Variants in GAN observed in about 807,000 individuals in gnomAD.
GAN encodes epididymis secretory sperm binding protein.
GAN carries 48 observed loss-of-function variants against 71.3 expected under a neutral mutation model. That is an observed-to-expected ratio of 0.67 (90% CI 0.53 to 0.86). The LOEUF (loss-of-function observed/expected upper bound fraction) is 0.86, where lower values mean the gene tolerates loss of function less well. GAN is among the 40% of genes least tolerant of loss of function. The pLI is 0.00. For missense variants in GAN, 928 were observed against 770.1 expected (o/e 1.21, Z -2.43); for synonymous variants, 386 against 276.8 (o/e 1.39, Z -3.92).
At chr16:81,353,338 C>G (rs1042496099) in intron 2 of GAN, among the ~76,000 whole-genome samples, 2 of 151,830 alleles carry the variant, frequency 1.3e-5, no homozygotes, top group African/African-American at 4.8e-5. Flanking sequence ...TAACAAACTC[C>G]TGAATTGGCA....
intron 1 of GAN, among the ~76,000 whole-genome samples, chr16:81,347,206 G>A (rs141841294): frequency 1.3e-5 from 2 of 152,132 alleles, no homozygotes; most frequent in Non-Finnish European, 2.9e-5. Context: ...GATACACCTA[G>A]ACAACAGCCA....
chr16:81,378,055 A>G lies in GAN; in HGVS notation c.*459A>G, dbSNP rs1276169850. 1 of 231,604 alleles carries G rather than the reference A, an allele frequency of 4.3e-6. No individual in the cohort carries two copies. Among genetic ancestry groups the G allele is most frequent in the African/African-American group, 2.3e-5 (1 of 44,426 alleles). The allele number at this position is 231,604 out of a possible 1,614,324, so 14.3% of individuals were successfully genotyped here. ...GCTTTTCCACTGCACTTGGAAGGAT[A>G]TATTATGCCTAACCCTGCCCAACAA... On this transcript the variant is annotated 3_prime_UTR_variant, in exon 11 of 11. Transcript: ENST00000648994.
intron 9 of GAN, among the ~76,000 whole-genome samples, chr16:81,374,423 A>ACCTAG (rs772080857): frequency 6.6e-6 from 1 of 152,174 alleles, no homozygotes; most frequent in Non-Finnish European, 1.5e-5. Flanking sequence ...CCACTGGTAG[A>ACCTAG]CCTAGCCTGC....
At chr16:81,361,763 C>A (rs1261622793) in intron 5 of GAN, among the ~76,000 whole-genome samples, 1 of 152,184 alleles carries the variant, frequency 6.6e-6, no homozygotes, top group Non-Finnish European at 1.5e-5. Context: ...GGCATGATCA[C>A]AGCCCACTTC....
intron 1 of GAN, among the ~76,000 whole-genome samples, chr16:81,347,109 G>A (rs1160062858): frequency 6.6e-6 from 1 of 152,162 alleles, no homozygotes; most frequent in African/African-American, 2.4e-5. Flanking sequence ...AGATATTTCG[G>A]TATTTTATTC....
intron 1 of GAN, among the ~76,000 whole-genome samples, chr16:81,332,059 G>A (rs1567481845): frequency 6.6e-6 from 1 of 152,048 alleles, no homozygotes; most frequent in Non-Finnish European, 1.5e-5. Flanking sequence ...TACTTGGAAG[G>A]CTGAGGCAGG....
At chr16:81,366,026 A>C (rs551138574) in intron 9 of GAN, among the ~76,000 whole-genome samples, 1 of 152,246 alleles carries the variant, frequency 6.6e-6, no homozygotes, top group East Asian at 1.9e-4. Flanking sequence ...CTCTGTTCGT[A>C]TTGCTGCTAC....
Position 81,354,368 on chromosome 16 carries a change from C to T in GAN, c.283-37C>T, listed in dbSNP as rs775270372. The T allele has an allele frequency of 4.6e-6, 6 of 1,300,074 alleles. No individual in the cohort carries two copies. The South Asian group carries it at 7.1e-5, about 15-fold the overall frequency. The allele number at this position is 1,300,074 out of a possible 1,614,324, so 80.5% of individuals were successfully genotyped here. A position where few individuals can be genotyped will look rare whatever the true frequency, so the allele number is the denominator to read the frequency against. On this transcript the variant is annotated intron_variant, in intron 2 of 10. Coordinates refer to ENST00000648994, the MANE Select transcript of GAN (RefSeq NM_022041.4). ...GTTAGTGGTTTGGGTTTTAAATGTACACATTCAAATATAAGATAATTATGC... is the reference window on the plus strand; with the variant it reads ...GTTAGTGGTTTGGGTTTTAAATGTATACATTCAAATATAAGATAATTATGC...
chr16:81,327,945 T>C (rs565889120), intron 1 of GAN, among the ~76,000 whole-genome samples: 2 of 152,332 alleles, frequency 1.3e-5, no homozygotes, highest in East Asian at 3.9e-4. Flanking sequence ...GCCTTCCTTT[T>C]ATGTACCTTT....
chr16:81,317,492 A>C (rs12447403), intron 1 of GAN, among the ~76,000 whole-genome samples: 16,281 of 152,294 alleles, frequency 0.11, 1,142 homozygotes, highest in Middle Eastern at 0.21. Flanking sequence ...GAAATACGTA[A>C]TAGTGTTGAC....
chr16:81,315,807 G>A lies in GAN; in HGVS notation c.167+527G>A, dbSNP rs146531784. Among the ~76,000 whole-genome samples the A allele has an allele frequency of 3.4e-3, 518 of 152,376 alleles. 1 individual carries two copies. Among genetic ancestry groups the A allele is most frequent in the African/African-American group, 0.012 (486 of 41,594 alleles). On this transcript the variant is annotated intron_variant, in intron 1 of 10. Coordinates refer to ENST00000648994, the MANE Select transcript of GAN (RefSeq NM_022041.4). ...CGGGGAGCGCCCTGCCCGCTGGGAG[G>A]CCAGACAGACAGCGCCTCGCTGGGT...
At chr16:81,352,275 C>T (rs560952690) in intron 2 of GAN, among the ~76,000 whole-genome samples, 1 of 152,302 alleles carries the variant, frequency 6.6e-6, no homozygotes, top group East Asian at 1.9e-4. Context: ...TCCATGTCCA[C>T]TTGAACCTCT....
At chr16:81,360,887 G>A (rs2150689311) in intron 5 of GAN, among the ~76,000 whole-genome samples, 1 of 152,096 alleles carries the variant, frequency 6.6e-6, no homozygotes, top group African/African-American at 2.4e-5. Context: ...CTAATTTTTG[G>A]TATGTCTGAT....
rs1339233117 is a variant in GAN, at chr16:81,330,871, CG to C, written c.167+15592del. ...CATCTTCTGCCTGATACGATATTTC[CG>C]TAGTGTATCTGCTAAAAATGCATAA... is the stretch of plus-strand genomic sequence containing the variant. On this transcript the variant is annotated intron_variant, in intron 1 of 10. Coordinates refer to ENST00000648994, the MANE Select transcript of GAN (RefSeq NM_022041.4). 2.6e-5 allele frequency among the ~76,000 whole-genome samples: 4 copies of C among 152,198 alleles called. No homozygotes were observed. In the South Asian group the frequency reaches 8.3e-4, roughly 32 times the overall value.
chr16:81,350,818 C>G (rs898287717), intron 1 of GAN, among the ~76,000 whole-genome samples: 1 of 151,902 alleles, frequency 6.6e-6, no homozygotes, highest in African/African-American at 2.4e-5. Flanking sequence ...TGCACCCAGC[C>G]GAAAAATTCT....
chr16:81,363,775 A>G lies in GAN; in HGVS notation c.1087-19A>G. On this transcript the variant is annotated intron_variant, in intron 6 of 10. Coordinates refer to ENST00000648994, the MANE Select transcript of GAN (RefSeq NM_022041.4). Reference sequence around the variant, plus strand: ...GATCATTGGCCTTGTGTGTTCAGGGATCGCTAATGTAATTTCAGGCAAGAC... The same window carrying G: ...GATCATTGGCCTTGTGTGTTCAGGGGTCGCTAATGTAATTTCAGGCAAGAC... 1 of 1,611,130 alleles carries G rather than the reference A, an allele frequency of 6.2e-7. No individual in the cohort carries two copies. The highest frequency in any genetic ancestry group is 1.3e-5 in the African/African-American group (1 of 74,918).
intron 1 of GAN, among the ~76,000 whole-genome samples, chr16:81,345,367 A>G (rs1910084048): frequency 6.6e-6 from 1 of 152,116 alleles, no homozygotes; most frequent in Non-Finnish European, 1.5e-5. Flanking sequence ...TCCATCAATG[A>G]TAGACTAAGA....
intron 1 of GAN, among the ~76,000 whole-genome samples, chr16:81,350,567 G>C (rs568606257): frequency 6.7e-6 from 1 of 150,250 alleles, no homozygotes; most frequent in East Asian, 2.0e-4. Flanking sequence ...CTAGGCTGGA[G>C]TGCAGTGGCA....
chr16:81,353,618 A>G (rs1910380713), intron 2 of GAN, among the ~76,000 whole-genome samples: 2 of 152,302 alleles, frequency 1.3e-5, no homozygotes, highest in Non-Finnish European at 2.9e-5. Flanking sequence ...TCTCCCTTGC[A>G]TTTGCGAATG....
Sources: gnomAD v4.1 joint callset for allele counts (sites outside exome capture counted in the v4.1 genomes callset) on GRCh38, gnomAD v4.1.1 for gene constraint, MANE v1.5 for transcripts, NCBI Gene and HGNC (gene_info 2026-07-23, HGNC 2026-07-21) for gene names.